Variants in NSUN3 observed in about 807,000 individuals in gnomAD.
The protein encoded by NSUN3 is NOP2/Sun RNA methyltransferase 3, also known as tRNA (cytosine(34)-C(5))-methyltransferase, mitochondrial.
NSUN3 carries 24 observed loss-of-function variants against 36.8 expected under a neutral mutation model. The observed-to-expected ratio is 0.65, with a 90% CI of 0.47 to 0.92. The LOEUF (loss-of-function observed/expected upper bound fraction) is 0.92. Among genes scored for constraint, NSUN3 ranks in the 40% least tolerant of loss-of-function variants. The pLI is 0.00. For missense variants in NSUN3, 381 were observed against 392.8 expected (o/e 0.97, Z 0.25); for synonymous variants, 146 against 145.2 (o/e 1.01, Z -0.04).
At chr3:94,077,122 T>C (rs1163536243) in intron 2 of NSUN3, 1 of 759,612 alleles carries the variant, frequency 1.3e-6, no homozygotes, top group Non-Finnish European at 2.4e-6. Flanking sequence ...GTACTCCTTA[T>C]GGATCACTCA....
At chr3:94,110,732 G>GTA (rs1560040010) in intron 5 of NSUN3, among the ~76,000 whole-genome samples, 1 of 140,610 alleles carries the variant, frequency 7.1e-6, no homozygotes, top group South Asian at 2.2e-4. Flanking sequence ...AGATATACAT[G>GTA]TATACACACA....
At chr3:94,097,148 A>G (rs2077344937) in intron 5 of NSUN3, among the ~76,000 whole-genome samples, 1 of 152,140 alleles carries the variant, frequency 6.6e-6, no homozygotes, top group Non-Finnish European at 1.5e-5. Context: ...AGAATTTTTA[A>G]AACATTTTTA....
At chr3:94,086,700 G>A (rs1465872200) in intron 3 of NSUN3, among the ~76,000 whole-genome samples, 1 of 152,154 alleles carries the variant, frequency 6.6e-6, no homozygotes, top group Non-Finnish European at 1.5e-5. Flanking sequence ...CTCAGCTATT[G>A]AAGCTTGCTG....
rs149540605 is a variant in NSUN3 at position 94,127,801 on chromosome 3, A to G, written c.*1311A>G. The G allele has an allele frequency of 6.6e-6, 1 of 152,214 alleles. No homozygotes were observed. Among genetic ancestry groups the G allele is most frequent in the Admixed American group, 6.5e-5 (1 of 15,290 alleles). 9.4% of individuals were successfully genotyped at this position (152,214 alleles called of 1,614,324 possible). ...AACTAGAGACTATTTGCTTATTAAT[A>G]TTTTTTGTTTTGCAAGCATATGTAA... On this transcript the variant is annotated 3_prime_UTR_variant, in exon 6 of 6. Coordinates refer to ENST00000314622, the MANE Select transcript of NSUN3 (RefSeq NM_022072.5).
intron 5 of NSUN3, among the ~76,000 whole-genome samples, chr3:94,120,038 T>C (rs2077454940): frequency 6.6e-6 from 1 of 152,260 alleles, no homozygotes; most frequent in African/African-American, 2.4e-5. Flanking sequence ...AATTTAAATT[T>C]GCATTAAGCC....
In NSUN3 at chr3:94,131,188, G is replaced by A. The variant is rs146492642; in HGVS notation, c.*4698G>A. On this transcript the variant is annotated 3_prime_UTR_variant, in exon 6 of 6. Transcript: ENST00000314622. The stretch of plus-strand genomic sequence containing the variant: ...CCACTTCAGCCTCCCAAAGTATTGG[G>A]ATTACAGGTGTGAGCCATTGTGCTC... Among the ~76,000 whole-genome samples the A allele has an allele frequency of 6.6e-6, 1 of 152,160 alleles. No homozygotes were observed. Among genetic ancestry groups the A allele is most frequent in the East Asian group, 1.9e-4 (1 of 5,186 alleles).
chr3:94,108,846 G>A (rs1205847779), intron 5 of NSUN3, among the ~76,000 whole-genome samples: 1 of 151,954 alleles, frequency 6.6e-6, no homozygotes, highest in Non-Finnish European at 1.5e-5. Context: ...TTTGTATTTA[G>A]TAGAGACGGG....
chr3:94,078,942 C>T (rs749488622), intron 2 of NSUN3, among the ~76,000 whole-genome samples: 11 of 151,816 alleles, frequency 7.2e-5, no homozygotes, highest in Admixed American at 1.3e-4. Flanking sequence ...AAGGTAATAT[C>T]GTTATGTGTG....
intron 2 of NSUN3, among the ~76,000 whole-genome samples, chr3:94,069,791 C>T (rs1385829293): frequency 6.6e-6 from 1 of 152,074 alleles, no homozygotes; most frequent in Non-Finnish European, 1.5e-5. Context: ...TCATTTACTC[C>T]AGGATTTAGG....
At chr3:94,064,626 GAGGTTAAA>G in intron 2 of NSUN3, 80 bp downstream of exon 2, 1 of 856,206 alleles carries the variant, frequency 1.2e-6, no homozygotes. Flanking sequence ...GGGATGCTGT[GAGGTTAAA>G]AGGCAAAGGA....
chr3:94,095,563 G>C (rs2077334381), intron 5 of NSUN3, among the ~76,000 whole-genome samples: 1 of 152,160 alleles, frequency 6.6e-6, no homozygotes, highest in South Asian at 2.1e-4. Flanking sequence ...GCAAGTTGTA[G>C]CTGGTTGTTA....
At chr3:94,076,835 C>A (rs2077248506) in intron 2 of NSUN3, 1 of 1,584,534 alleles carries the variant, frequency 6.3e-7, no homozygotes, top group Non-Finnish European at 8.7e-7. Context: ...TTCAATTTTT[C>A]CACTAACTGA....
At chr3:94,105,842 C>CA (rs1323125307) in intron 5 of NSUN3, among the ~76,000 whole-genome samples, 2 of 151,538 alleles carry the variant, frequency 1.3e-5, no homozygotes, top group Admixed American at 1.3e-4. Context: ...TGCCATGGGA[C>CA]AAAATCAGGT....
At chr3:94,065,465 A>G (rs959390332) in intron 2 of NSUN3, among the ~76,000 whole-genome samples, 1 of 152,230 alleles carries the variant, frequency 6.6e-6, no homozygotes, top group African/African-American at 2.4e-5. Context: ...GAGGAAAAAA[A>G]GTTGCATGGC....
chr3:94,105,119 T>A (rs1469793862), intron 5 of NSUN3, among the ~76,000 whole-genome samples: 1 of 152,212 alleles, frequency 6.6e-6, no homozygotes, highest in African/African-American at 2.4e-5. Context: ...AGAGTGACCA[T>A]TGCGTGCAGC....
At chr3:94,097,604 C>T (rs1403625687) in intron 5 of NSUN3, among the ~76,000 whole-genome samples, 1 of 152,140 alleles carries the variant, frequency 6.6e-6, no homozygotes, top group Non-Finnish European at 1.5e-5. Context: ...AGAAGTAGAA[C>T]TGAGGATCAA....
intron 5 of NSUN3, among the ~76,000 whole-genome samples, chr3:94,117,873 C>T (rs1055148403): frequency 9.2e-5 from 14 of 152,104 alleles, no homozygotes; most frequent in Non-Finnish European, 1.5e-4. Context: ...TTATAGGAGG[C>T]TTCTGAAGGG....
At chr3:94,101,339 C>A (rs1022078255) in intron 5 of NSUN3, among the ~76,000 whole-genome samples, 4 of 151,712 alleles carry the variant, frequency 2.6e-5, no homozygotes, top group Non-Finnish European at 5.9e-5. Flanking sequence ...TGTAATACTC[C>A]TTAAAATTTT....
In NSUN3 at chr3:94,072,836, G is replaced by T. The variant is rs368309128; in HGVS notation, c.122+8290G>T. 2.6e-5 allele frequency among the ~76,000 whole-genome samples: 4 copies of T among 151,882 alleles called. No homozygotes were observed. In the East Asian group the frequency reaches 7.7e-4, roughly 29 times the overall value. On this transcript the variant is annotated intron_variant, in intron 2 of 5. Coordinates refer to ENST00000314622, the MANE Select transcript of NSUN3 (RefSeq NM_022072.5). ...TTTATTATTATACTTTAAGTTCTGA[G>T]GTACATGTGCAGAATGTGCAGTTTT...
Sources: allele counts gnomAD v4.1 joint callset (sites outside exome capture counted in the v4.1 genomes callset), GRCh38; gene constraint gnomAD v4.1.1; transcripts MANE v1.5; gene names NCBI Gene and HGNC (gene_info 2026-07-23, HGNC 2026-07-21).